Variants in LIG3 observed in about 807,000 individuals in gnomAD.
LIG3 encodes ligase II, DNA, ATP-dependent.
In LIG3, 58 loss-of-function variants were observed where a neutral mutation model predicts 110.9. That is an observed-to-expected ratio of 0.52 (90% CI 0.42 to 0.65). The LOEUF (loss-of-function observed/expected upper bound fraction) is 0.65. Among genes scored for constraint, LIG3 ranks in the 30% least tolerant of loss-of-function variants. LIG3 has a pLI of 0.00. For missense variants in LIG3, 1,094 were observed against 1,273.8 expected, an observed-to-expected ratio of 0.86 and a Z score of 2.15; for synonymous variants, 422 against 472.8, an observed-to-expected ratio of 0.89 and a Z score of 1.39.
Position 35,001,372 on chromosome 17 carries a change from G to A in LIG3, c.2447G>A (p.Trp816Ter). 6.2e-7 allele frequency: 1 copy of A among 1,614,170 alleles called. No homozygotes were observed. Among genetic ancestry groups the A allele is most frequent in the Non-Finnish European group, 8.5e-7 (1 of 1,180,010 alleles). The stretch of plus-strand genomic sequence containing the variant: ...ACCCGAATCCGAGATGATAAGGACT[G>A]GAAATCTGCCACTAACCTTCCCCAA... ...RCTRIRDDKD[W>*]KSATNLPQLK... is the part of the protein sequence containing the mutation. Residue 816 changes from tryptophan to a stop codon, truncating the protein, a stop_gained, in exon 17 of 20, where the codon TGG becomes TAG. Transcript: ENST00000378526. LOFTEE classifies it high-confidence loss of function.
In LIG3 at chr17:35,008,615, G is replaced by GT. The variant is rs1223612562; in HGVS notation, c.*4115dup. The stretch of plus-strand genomic sequence containing the variant: ...ACGGCTAATTTTTTGGTTTTTTTGG[G>GT]TTTTTTGTTTGTGTTTTTTTTTGTT... On this transcript the variant is annotated 3_prime_UTR_variant, in exon 20 of 20. Coordinates refer to ENST00000378526, the MANE Select transcript of LIG3 (RefSeq NM_013975.4). 2 of 151,436 alleles carry GT rather than the reference G, an allele frequency of 1.3e-5. No homozygotes were observed. Among genetic ancestry groups the GT allele is most frequent in the African/African-American group, 2.4e-5 (1 of 41,122 alleles). 9.4% of individuals were successfully genotyped at this position (151,436 alleles called of 1,614,324 possible).
chr17:35,000,313 C>T (rs574912275), intron 16 of LIG3, among the ~76,000 whole-genome samples: 1 of 152,334 alleles, frequency 6.6e-6, no homozygotes, highest in South Asian at 2.1e-4. Context: ...GGCTGGAGTG[C>T]AATAGCGGGA....
chr17:34,983,603 G>A (rs1466402468), intron 2 of LIG3, 51 bp downstream of exon 2: 2 of 1,510,700 alleles, frequency 1.3e-6, no homozygotes, highest in Admixed American at 4.3e-5. Flanking sequence ...AGAGAAAAAG[G>A]GATAAGGAGT....
intron 7 of LIG3, among the ~76,000 whole-genome samples, 156 bp from the exon 8 acceptor site, chr17:34,992,368 A>G (rs2090731237): frequency 6.6e-6 from 1 of 152,230 alleles, no homozygotes; most frequent in Non-Finnish European, 1.5e-5. Flanking sequence ...GAATTTTCCA[A>G]GAGCTTTCTC....
intron 11 of LIG3, 82 bp from the exon 12 acceptor site, chr17:34,997,656 T>C: frequency 1.0e-6 from 1 of 994,942 alleles, no homozygotes; most frequent in Non-Finnish European, 1.6e-6. Context: ...AGCAGTTTTA[T>C]CATTGTGGCC....
chr17:34,996,309 C>T (rs1471047671), intron 10 of LIG3, 114 bp downstream of exon 10: 3 of 1,264,740 alleles, frequency 2.4e-6, no homozygotes, highest in East Asian at 4.7e-5. Flanking sequence ...GGCCCTTATT[C>T]TTCGCTTCTG....
At chr17:34,984,001 A>G (rs1159213007) in intron 2 of LIG3, among the ~76,000 whole-genome samples, 1 of 152,250 alleles carries the variant, frequency 6.6e-6, no homozygotes, top group Admixed American at 6.5e-5. Context: ...ATTTGAGAAT[A>G]AGTTGCATAC....
At chr17:34,981,997 G>A (rs2090599935) in intron 1 of LIG3, among the ~76,000 whole-genome samples, 1 of 152,152 alleles carries the variant, frequency 6.6e-6, no homozygotes. Flanking sequence ...CGACGTCACC[G>A]ATCATAATAG....
chr17:35,002,167 C>T, intron 18 of LIG3, 63 bp downstream of exon 18: 1 of 1,378,820 alleles, frequency 7.3e-7, no homozygotes, highest in Non-Finnish European at 9.8e-7. Flanking sequence ...GATCCAAGGG[C>T]AGGGACCCAG....
chr17:34,998,636 G>C lies in LIG3; in HGVS notation c.2022G>C (p.Leu674=). Residue 674 remains leucine, a synonymous_variant, in exon 14 of 20, where the codon CTG becomes CTC. Coordinates refer to ENST00000378526, the MANE Select transcript of LIG3 (RefSeq NM_013975.4). Reference sequence around the variant, plus strand: ...ATGAGCCTGGGAAGCGGCACTGGCTGAAAGTGAAGAAAGACTATTTGAACG... The same window carrying C: ...ATGAGCCTGGGAAGCGGCACTGGCTCAAAGTGAAGAAAGACTATTTGAACG... The part of the protein sequence containing the change: ...GTYEPGKRHW[L]KVKKDYLNEG... The C allele has an allele frequency of 5.0e-6, 8 of 1,614,234 alleles. No homozygotes were observed. The highest frequency in any genetic ancestry group is 6.8e-6 in the Non-Finnish European group (8 of 1,180,030).
At chr17:34,982,919 A>T (rs2090614454) in intron 1 of LIG3, 83 bp from the exon 2 acceptor site, 1 of 1,070,134 alleles carries the variant, frequency 9.3e-7, no homozygotes, top group African/African-American at 1.6e-5. Context: ...ACTATATAAG[A>T]CGCTGGCCTT....
At chr17:34,997,363 C>T (rs2074518) in intron 11 of LIG3, 71,143 of 189,094 alleles carry the variant, frequency 0.38, 15,177 homozygotes, top group Non-Finnish European at 0.46. Context: ...AGCCTGCCTA[C>T]CCCGGGGTTG....
intron 18 of LIG3, 144 bp downstream of exon 18, chr17:35,002,248 T>C (rs1002535124): frequency 1.3e-6 from 1 of 766,774 alleles, no homozygotes; most frequent in Admixed American, 3.3e-5. Flanking sequence ...ACATTCCTGG[T>C]GTGTGTCCAG....
At chr17:34,997,932 G>A in intron 12 of LIG3, 107 bp downstream of exon 12, 1 of 855,958 alleles carries the variant, frequency 1.2e-6, no homozygotes, top group Non-Finnish European at 2.0e-6. Flanking sequence ...GTCTTATGGA[G>A]CCTCCTGATA....
At chr17:34,990,915 T>G (rs1217266576) in intron 4 of LIG3, 48 bp from the exon 5 acceptor site, 2 of 1,587,890 alleles carry the variant, frequency 1.3e-6, no homozygotes. Context: ...GTTTATATAT[T>G]TATTTGTTTA....
At chr17:34,993,601 T>C (rs1448005560) in intron 8 of LIG3, among the ~76,000 whole-genome samples, 4 of 152,240 alleles carry the variant, frequency 2.6e-5, no homozygotes, top group African/African-American at 4.8e-5. Context: ...GGGCCTAGAT[T>C]CAAATCTCAT....
rs149469889 is a variant in LIG3 at position 34,996,581 on chromosome 17, C to A, written c.1751C>A (p.Ala584Asp). Residue 584 changes from alanine to aspartate, a missense_variant, in exon 11 of 20, where the codon GCC becomes GAC. Physicochemically the swap from Ala to Asp is moderately radical, Grantham distance 126 (BLOSUM62 -2). Transcript: ENST00000378526. ...CCTCATTTTCCCTTACAGAAAGCAG[C>A]CTTCCAGGATGCTAATGTCTGCCTG... ...FGTLGVHKKA[A>D]FQDANVCLFV... The A allele has an allele frequency of 1.2e-6, 2 of 1,613,554 alleles. No individual in the cohort carries two copies. Among genetic ancestry groups the A allele is most frequent in the African/African-American group, 2.7e-5 (2 of 74,922 alleles).
chr17:35,001,975 A>C lies in LIG3; in HGVS notation c.2545A>C (p.Thr849Pro), dbSNP rs1411966445. The C allele has an allele frequency of 6.2e-7, 1 of 1,613,010 alleles. No homozygotes were observed. Among genetic ancestry groups the C allele is most frequent in the Admixed American group, 1.7e-5 (1 of 59,782 alleles). ...AGTGGCTGGAGATGAGGGGAGCTCC[A>C]CTACAGGGGGTAGCAGTGAAGAGAA... Reference protein sequence around the residue: ...TVVAGDEGSSTTGGSSEENKG... With the variant: ...TVVAGDEGSSPTGGSSEENKG... Residue 849 changes from threonine (T) to proline (P), a missense_variant, in exon 18 of 20, where the codon ACT becomes CCT. Transcript: ENST00000378526.
chr17:34,992,580 A>G lies in LIG3; in HGVS notation c.1343A>G (p.Gln448Arg). 2 of 1,613,698 alleles carry G rather than the reference A, an allele frequency of 1.2e-6. No homozygotes were observed. The highest frequency in any genetic ancestry group is 1.7e-6 in the Non-Finnish European group (2 of 1,179,832). The change falls in exon 8 of 20, where the codon CAG becomes CGG. Residue 448 changes from glutamine to arginine, a missense_variant. Physicochemically the swap from Gln to Arg is conservative, Grantham distance 43 (BLOSUM62 1). Transcript: ENST00000378526. ...YEAFKASRNL[Q>R]DVVERVLHNA... ...GCCTTCAAAGCCTCGCGCAACCTGC[A>G]GGATGTGGTGGAGCGGGTCCTTCAC... is the stretch of plus-strand genomic sequence containing the variant.
Sources: allele counts gnomAD v4.1 joint callset (sites outside exome capture counted in the v4.1 genomes callset), GRCh38; gene constraint gnomAD v4.1.1; transcripts MANE v1.5; gene names NCBI Gene and HGNC (gene_info 2026-07-23, HGNC 2026-07-21).